Variants in NAA15 observed in about 807,000 individuals in gnomAD.
NAA15 encodes the protein N-terminal acetyltransferase.
In NAA15, 34 loss-of-function variants were observed where a neutral mutation model predicts 114.0. The observed-to-expected ratio is 0.30, with a 90% CI of 0.23 to 0.40. The LOEUF (loss-of-function observed/expected upper bound fraction) is 0.40. Ranked by LOEUF, NAA15 falls within the 10% of genes least tolerant of loss-of-function variation. The probability of loss-of-function intolerance (pLI) is 1.00; values close to 1 mark genes in which losing one functional copy is unlikely to be tolerated. For synonymous variants in NAA15, 340 were observed against 338.0 expected (o/e 1.01, Z -0.06); for missense variants, 658 against 1,004.5 (o/e 0.66, Z 4.66).
chr4:139,387,841 C>A (rs776328564), intron 19 of NAA15, 43 bp from the exon 20 acceptor site: 11 of 1,505,620 alleles, frequency 7.3e-6, no homozygotes, highest in Non-Finnish European at 1.0e-5. Context: ...CAGTAAGAAC[C>A]TTTTTTTGAC....
intron 3 of NAA15, among the ~76,000 whole-genome samples, chr4:139,338,852 C>T (rs1747282769): frequency 6.6e-6 from 1 of 151,964 alleles, no homozygotes; most frequent in South Asian, 2.1e-4. Context: ...ACTCTGTCAC[C>T]CAGGCTAGAG....
At chr4:139,311,365 G>C (rs1013150105) in intron 1 of NAA15, among the ~76,000 whole-genome samples, 2 of 140,658 alleles carry the variant, frequency 1.4e-5, no homozygotes, top group African/African-American at 5.6e-5. Context: ...GTGATTACAG[G>C]GCAAGAGAGA....
intron 16 of NAA15, 27 bp downstream of exon 16, chr4:139,376,500 GACAA>G (rs778517003): frequency 1.5e-6 from 2 of 1,298,074 alleles, no homozygotes; most frequent in South Asian, 2.4e-5. Context: ...CAGTGGCCCT[GACAA>G]AACTGATCAC....
chr4:139,366,618 T>A (rs1487718293), intron 14 of NAA15, among the ~76,000 whole-genome samples: 2 of 148,104 alleles, frequency 1.4e-5, no homozygotes, highest in Non-Finnish European at 3.0e-5. Flanking sequence ...TTTTTTTTTT[T>A]AAATTTTTGA....
chr4:139,341,658 A>G (rs1486733786), intron 4 of NAA15, among the ~76,000 whole-genome samples: 1 of 149,284 alleles, frequency 6.7e-6, no homozygotes, highest in African/African-American at 2.5e-5. Context: ...GCCTTTGTCT[A>G]GTATTGACAT....
intron 18 of NAA15, among the ~76,000 whole-genome samples, chr4:139,385,300 A>ATATTATATATATATTAT (rs397699538): frequency 2.2e-5 from 2 of 90,186 alleles, no homozygotes; most frequent in African/African-American, 7.7e-5. Flanking sequence ...ATATATATAT[A>ATATTATATATATATTAT]ATATATATTA....
intron 17 of NAA15, among the ~76,000 whole-genome samples, chr4:139,382,591 T>G (rs574582426): frequency 6.6e-6 from 1 of 152,238 alleles, no homozygotes; most frequent in East Asian, 1.9e-4. Flanking sequence ...ATACATTCTT[T>G]TTGAGATAAT....
intron 1 of NAA15, among the ~76,000 whole-genome samples, chr4:139,332,159 CT>C (rs2110890417): frequency 1.3e-5 from 2 of 152,218 alleles, no homozygotes; most frequent in East Asian, 3.9e-4. Flanking sequence ...GAGATACAGT[CT>C]CACACTGTCA....
chr4:139,346,877 G>A (rs1747600113), intron 6 of NAA15, among the ~76,000 whole-genome samples: 1 of 152,150 alleles, frequency 6.6e-6, no homozygotes, highest in Non-Finnish European at 1.5e-5. Context: ...GCTCAGAAAA[G>A]GTAGAAGATA....
intron 1 of NAA15, among the ~76,000 whole-genome samples, chr4:139,324,949 C>T (rs1009226355): frequency 6.6e-6 from 1 of 152,078 alleles, no homozygotes; most frequent in African/African-American, 2.4e-5. Context: ...CTCACATTGA[C>T]AGGAGATAAT....
At position 139,386,136 on chromosome 4, in the gene NAA15, C is replaced by T; in HGVS notation, c.2306C>T (p.Ala769Val). 6.4e-7 allele frequency: 1 copy of T among 1,568,052 alleles called. No individual in the cohort carries two copies. Among genetic ancestry groups the T allele is most frequent in the South Asian group, 1.2e-5 (1 of 84,892 alleles). The change falls in exon 19 of 20, where the codon GCC becomes GTC. Residue 769 changes from alanine (A) to valine (V), a missense_variant. Physicochemically the swap from Ala to Val is moderately conservative, Grantham distance 64. This residue lies in a region of NAA15 where 275 missense variants were observed against 371.1 expected (regional missense o/e 0.74). Transcript: ENST00000296543. ...TTCCTATTTCCCTCTCATTTAGCTG[C>T]CAAAATGGTATATTACTTAGATCCT... is the stretch of plus-strand genomic sequence containing the variant. ...SDSLPHRLSA[A>V]KMVYYLDPSS...
At chr4:139,308,271 T>C (rs1292572472) in intron 1 of NAA15, among the ~76,000 whole-genome samples, 3 of 152,072 alleles carry the variant, frequency 2.0e-5, no homozygotes, top group Non-Finnish European at 4.4e-5. Context: ...CATTGTATAA[T>C]AGGTAAATTA....
Position 139,389,649 on chromosome 4 carries a change from T to C in NAA15, c.*1565T>C, listed in dbSNP as rs1302009241. 1.3e-5 allele frequency: 2 copies of C among 152,684 alleles called. No individual in the cohort carries two copies. Among genetic ancestry groups the C allele is most frequent in the African/African-American group, 4.8e-5 (2 of 41,472 alleles). The allele number at this position is 152,684 out of a possible 1,614,324, so 9.5% of individuals were successfully genotyped here. On this transcript the variant is annotated 3_prime_UTR_variant, in exon 20 of 20. Coordinates refer to ENST00000296543, the MANE Select transcript of NAA15 (RefSeq NM_057175.5). ...TGAGAACTAGCCTCAGGCTTAATAT[T>C]CTCATTGCATTTGCAAGATCTGAGC...
intron 1 of NAA15, among the ~76,000 whole-genome samples, chr4:139,321,782 C>A (rs1338145770): frequency 6.6e-6 from 1 of 151,464 alleles, no homozygotes; most frequent in African/African-American, 2.4e-5. Context: ...CGTGCCTGGC[C>A]CCCTCATTTG....
chr4:139,332,773 G>C lies in NAA15; in HGVS notation c.55-1401G>C, dbSNP rs370659258. ...ATTTTTGTATTTTTAGTGGAGACAG[G>C]GTTTCACCATGTTGGCCAGGCTGGT... On this transcript the variant is annotated intron_variant, in intron 1 of 19. Transcript: ENST00000296543. Among the ~76,000 whole-genome samples the C allele has an allele frequency of 2.3e-4, 35 of 151,128 alleles. No homozygotes were observed. The East Asian group carries it at 3.1e-3, about 13-fold the overall frequency.
At chr4:139,305,503 C>G (rs1409819382) in intron 1 of NAA15, among the ~76,000 whole-genome samples, 1 of 144,130 alleles carries the variant, frequency 6.9e-6, no homozygotes, top group Admixed American at 7.0e-5. Flanking sequence ...TGTGTGTGCT[C>G]TATGTAATCA....
intron 17 of NAA15, among the ~76,000 whole-genome samples, chr4:139,383,477 T>C (rs1219227393): frequency 6.6e-6 from 1 of 152,182 alleles, no homozygotes; most frequent in East Asian, 1.9e-4. Flanking sequence ...CATTCATTTA[T>C]GTATTTATTT....
intron 1 of NAA15, among the ~76,000 whole-genome samples, chr4:139,323,053 C>CTTTTTTTTTTTTT (rs67137305): frequency 8.5e-6 from 1 of 117,482 alleles, no homozygotes; most frequent in South Asian, 2.7e-4. Context: ...CTTTTCTTTT[C>CTTTTTTTTTTTTT]TTTTTTTTTT....
chr4:139,372,374 C>T (rs1265486365), intron 15 of NAA15, among the ~76,000 whole-genome samples: 1 of 152,150 alleles, frequency 6.6e-6, no homozygotes, highest in African/African-American at 2.4e-5. Context: ...AGATAACAAC[C>T]TGTGGTCTAA....
Sources: allele counts gnomAD v4.1 joint callset (sites outside exome capture counted in the v4.1 genomes callset), GRCh38; gene constraint gnomAD v4.1.1; regional missense constraint gnomAD v4.1.1; transcripts MANE v1.5; gene names NCBI Gene and HGNC (gene_info 2026-07-23, HGNC 2026-07-21).